Variants in MYCBP2 observed in about 807,000 individuals in gnomAD.
MYCBP2 encodes MYC binding protein 2.
Under a neutral mutation model 525.3 loss-of-function variants are expected in MYCBP2, and 120 were observed. The observed-to-expected ratio is 0.23, with a 90% CI of 0.20 to 0.27. MYCBP2 has a LOEUF of 0.27. Ranked by LOEUF, MYCBP2 falls within the 10% of genes least tolerant of loss-of-function variation. MYCBP2 has a pLI of 1.00. For synonymous variants in MYCBP2, 1,894 were observed against 1,955.8 expected (o/e 0.97, Z 0.83); for missense variants, 4,149 against 5,657.1 (o/e 0.73, Z 8.55).
At position 77,058,522 on chromosome 13, in the gene MYCBP2, G is replaced by T; in HGVS notation, c.13141-116C>A. The T allele has an allele frequency of 2.6e-6, 2 of 756,284 alleles. No individual in the cohort carries two copies. Among genetic ancestry groups the T allele is most frequent in the Non-Finnish European group, 3.9e-6 (2 of 513,440 alleles). The allele number at this position is 756,284 out of a possible 1,614,324, so 46.8% of individuals were successfully genotyped here. The stretch of plus-strand genomic sequence containing the variant: ...TTTCCCACAGGAAGTATCTATGCAG[G>T]CCAAGTAACAACAAAGTAAAGTTAT... On this transcript the variant is annotated intron_variant, in intron 77 of 82. Transcript: ENST00000544440. The surrounding 1 kb of genome is among the most constrained non-coding windows in gnomAD (Gnocchi z 4.1).
At chr13:77,275,508 A>G (rs576932777) in intron 4 of MYCBP2, among the ~76,000 whole-genome samples, 15 of 152,268 alleles carry the variant, frequency 9.9e-5, no homozygotes, top group African/African-American at 3.6e-4. Flanking sequence ...CATATGTCAC[A>G]TCTTCAGGGA....
chr13:77,276,816 G>GTTTTT (rs397851660), intron 4 of MYCBP2, among the ~76,000 whole-genome samples: 14 of 76,216 alleles, frequency 1.8e-4, no homozygotes, highest in Non-Finnish European at 2.6e-4. Flanking sequence ...TCCATGCCCA[G>GTTTTT]TTTTTTTTTT....
At chr13:77,317,640 C>G (rs1215110854) in intron 1 of MYCBP2, among the ~76,000 whole-genome samples, 1 of 152,110 alleles carries the variant, frequency 6.6e-6, no homozygotes, top group Non-Finnish European at 1.5e-5. Context: ...TTCTCCTATT[C>G]TATAAAAGTG....
intron 6 of MYCBP2, 92 bp from the exon 7 acceptor site, chr13:77,270,155 G>C: frequency 7.0e-7 from 1 of 1,421,824 alleles, no homozygotes; most frequent in Non-Finnish European, 9.6e-7. Flanking sequence ...TTTAATGCAT[G>C]TATTTCAATT....
intron 38 of MYCBP2, among the ~76,000 whole-genome samples, chr13:77,170,447 T>C (rs897500194): frequency 5.9e-5 from 9 of 152,226 alleles, no homozygotes; most frequent in African/African-American, 2.2e-4. Context: ...ATTTAAAAAA[T>C]AGTTTTTTAG....
intron 52 of MYCBP2, chr13:77,129,040 T>C (rs1048784552): frequency 5.1e-6 from 2 of 390,950 alleles, no homozygotes; most frequent in Non-Finnish European, 9.1e-6. Context: ...TTCATATAGA[T>C]CTTTTTTTGG....
chr13:77,075,028 G>A (rs762920911), intron 68 of MYCBP2, among the ~76,000 whole-genome samples: 9 of 152,130 alleles, frequency 5.9e-5, no homozygotes, highest in Non-Finnish European at 1.2e-4. Flanking sequence ...GGGCAACATG[G>A]CAAAACCACA....
In MYCBP2 at chr13:77,267,554, C is replaced by CA. The variant is rs2074284035; in HGVS notation, c.1357+286dup. On this transcript the variant is annotated intron_variant, in intron 8 of 82. Transcript: ENST00000544440. ...GTTCTGATTTTTATTAAGAGCAACA[C>CA]AGTTACATCACCCCACTAATTCAGC... Among the ~76,000 whole-genome samples the CA allele has an allele frequency of 2.0e-5, 3 of 152,204 alleles. 1 individual carries two copies. The highest frequency in any genetic ancestry group is 7.2e-5 in the African/African-American group (3 of 41,556).
intron 2 of MYCBP2, among the ~76,000 whole-genome samples, chr13:77,289,849 T>C (rs1334772822): frequency 2.6e-5 from 4 of 152,050 alleles, no homozygotes; most frequent in Admixed American, 2.0e-4. Flanking sequence ...TCACAGGATA[T>C]AAAATTACTA....
chr13:77,285,850 A>G (rs2076679060), intron 3 of MYCBP2, among the ~76,000 whole-genome samples: 1 of 138,422 alleles, frequency 7.2e-6, no homozygotes, highest in African/African-American at 2.9e-5. Context: ...AAAAAAGGAG[A>G]AAGGAAGGGA....
At chr13:77,066,395 C>T (rs753319419) in intron 71 of MYCBP2, among the ~76,000 whole-genome samples, 7 of 152,168 alleles carry the variant, frequency 4.6e-5, no homozygotes, top group Non-Finnish European at 8.8e-5. Flanking sequence ...TGGAGCTTAA[C>T]CGGAATATAA....
Position 77,257,705 on chromosome 13 carries a change from T to A in MYCBP2, c.2142A>T (p.Gly714=). The A allele has an allele frequency of 6.2e-7, 1 of 1,608,510 alleles. No individual in the cohort carries two copies. The highest frequency in any genetic ancestry group is 1.3e-5 in the African/African-American group (1 of 74,736). ...TFGVNNKGQC[G]RDTGAMNQGG... ...CTTGGTTCATGGCACCAGTATCTCGTCCACACTGTCCTTTATTATTTACAC... is the reference window on the plus strand; with the variant it reads ...CTTGGTTCATGGCACCAGTATCTCGACCACACTGTCCTTTATTATTTACAC... The change falls in exon 14 of 83, where the codon GGA becomes GGT. Residue 714 remains glycine (G), a synonymous_variant. Coordinates refer to ENST00000544440, the MANE Select transcript of MYCBP2 (RefSeq NM_015057.5).
intron 52 of MYCBP2, chr13:77,129,413 ATAAG>A (rs1185182371): frequency 2.7e-6 from 1 of 369,916 alleles, no homozygotes; most frequent in African/African-American, 2.1e-5. Flanking sequence ...ATTCTGTCTG[ATAAG>A]TAAGTTTTTG....
intron 79 of MYCBP2, 35 bp downstream of exon 79, chr13:77,056,951 A>C: frequency 6.7e-7 from 1 of 1,482,466 alleles, no homozygotes; most frequent in Non-Finnish European, 9.4e-7. Context: ...GAACAAAAGA[A>C]AAAGAAAGTA....
chr13:77,156,308 T>C, intron 45 of MYCBP2, 106 bp from the exon 46 acceptor site: 1 of 1,015,406 alleles, frequency 9.8e-7, no homozygotes. Flanking sequence ...TCAAACAAAA[T>C]GCTAAAACAT....
chr13:77,117,974 C>A (rs1332367275), intron 55 of MYCBP2, among the ~76,000 whole-genome samples: 4 of 152,082 alleles, frequency 2.6e-5, no homozygotes, highest in Admixed American at 2.0e-4. Flanking sequence ...TTCATAGATA[C>A]CAAATTCACT....
chr13:77,149,554 T>G (rs1430000519), intron 47 of MYCBP2, among the ~76,000 whole-genome samples: 1 of 152,176 alleles, frequency 6.6e-6, no homozygotes, highest in African/African-American at 2.4e-5. Flanking sequence ...GTGCTAATGA[T>G]TCCTGAATCC....
intron 54 of MYCBP2, among the ~76,000 whole-genome samples, chr13:77,124,358 G>T (rs2051285933): frequency 6.6e-6 from 1 of 152,034 alleles, no homozygotes; most frequent in African/African-American, 2.4e-5. Flanking sequence ...CATATTTATG[G>T]CCAAATTGCC....
At chr13:77,067,903 A>T (rs751178517) in intron 70 of MYCBP2, 39 bp from the exon 71 acceptor site, 16 of 1,546,354 alleles carry the variant, frequency 1.0e-5, no homozygotes, top group Non-Finnish European at 1.3e-5. Context: ...CCATGTAAAG[A>T]CTAATGTTTT....
Sources: gnomAD v4.1 joint callset for allele counts (sites outside exome capture counted in the v4.1 genomes callset) on GRCh38, gnomAD v4.1.1 for gene constraint, Gnocchi (gnomAD v3.1) non-coding constraint, MANE v1.5 for transcripts, NCBI Gene and HGNC (gene_info 2026-07-23, HGNC 2026-07-21) for gene names.